The following WDPCP variants were observed in gnomAD, a reference collection of about 807,000 sequenced individuals.
The protein encoded by WDPCP is WD repeat-containing and planar cell polarity effector protein fritz homolog.
A neutral mutation model predicts 93.1 loss-of-function variants in WDPCP; 71 were observed. The observed-to-expected ratio is 0.76, with a 90% confidence interval of 0.63 to 0.93. WDPCP has a LOEUF of 0.93. WDPCP is among the 40% of genes least tolerant of loss of function. WDPCP has a pLI of 0.00. For synonymous variants in WDPCP, 315 were observed against 315.0 expected, an observed-to-expected ratio of 1.00 and a Z score of 0.00; for missense variants, 844 against 887.4, an observed-to-expected ratio of 0.95 and a Z score of 0.62.
At chr2:63,219,421 C>T (rs1677629912) in intron 14 of WDPCP, among the ~76,000 whole-genome samples, 1 of 152,058 alleles carries the variant, frequency 6.6e-6, no homozygotes, top group South Asian at 2.1e-4. Flanking sequence ...AGTTTTGTGC[C>T]CAAAGGCTTT....
intron 14 of WDPCP, among the ~76,000 whole-genome samples, chr2:63,232,083 G>A (rs1424575681): frequency 6.6e-6 from 1 of 152,154 alleles, no homozygotes; most frequent in Non-Finnish European, 1.5e-5. Flanking sequence ...AATGGGGAAA[G>A]GATTCCCTAT....
At chr2:63,625,989 T>C (rs1280737333) in intron 3 of WDPCP, among the ~76,000 whole-genome samples, 4 of 152,014 alleles carry the variant, frequency 2.6e-5, no homozygotes, top group Non-Finnish European at 5.9e-5. Context: ...CTAAAACAGA[T>C]ATATAGACCT....
chr2:63,187,534 G>T (rs1331430913), intron 14 of WDPCP, among the ~76,000 whole-genome samples: 4 of 152,092 alleles, frequency 2.6e-5, no homozygotes, highest in African/African-American at 9.7e-5. Context: ...ATTGCAGAAA[G>T]TATCTTAAAG....
rs554259914 is a variant in WDPCP, at chr2:63,394,286, G to A, written c.1435+9762C>T. 3.9e-5 allele frequency among the ~76,000 whole-genome samples: 6 copies of A among 152,100 alleles called. No homozygotes were observed. In the East Asian group the frequency reaches 1.2e-3, roughly 29 times the overall value. On this transcript the variant is annotated intron_variant, in intron 10 of 17. Coordinates refer to ENST00000272321, the MANE Select transcript of WDPCP (RefSeq NM_015910.7). ...GCAGCCTACAACCATATGAAAAAAT[G>A]CTCAACATCACTAATTATCAGAGAA...
At chr2:63,731,852 G>A (rs1050381920) in intron 2 of WDPCP, among the ~76,000 whole-genome samples, 7 of 152,164 alleles carry the variant, frequency 4.6e-5, no homozygotes, top group Non-Finnish European at 1.0e-4. Flanking sequence ...ATAGAGAAAG[G>A]ATAAGATACC....
chr2:63,432,678 T>C (rs1696851864), intron 9 of WDPCP, among the ~76,000 whole-genome samples: 1 of 152,126 alleles, frequency 6.6e-6, no homozygotes, highest in African/African-American at 2.4e-5. Context: ...GTGCTGAGGC[T>C]GAGTTTGGTT....
At chr2:63,617,246 T>C (rs1436432224) in intron 3 of WDPCP, among the ~76,000 whole-genome samples, 1 of 152,218 alleles carries the variant, frequency 6.6e-6, no homozygotes, top group African/African-American at 2.4e-5. Flanking sequence ...AGCTATGAAA[T>C]TGAAAATAAG....
intron 13 of WDPCP, among the ~76,000 whole-genome samples, chr2:63,296,797 C>CA (rs143853624): frequency 4.5e-4 from 69 of 151,722 alleles, no homozygotes; most frequent in African/African-American, 1.4e-3. Flanking sequence ...ACAGATGATA[C>CA]AAAAAAAATG....
intron 15 of WDPCP, among the ~76,000 whole-genome samples, chr2:63,172,680 A>C (rs1302129792): frequency 6.6e-6 from 1 of 152,182 alleles, no homozygotes; most frequent in Middle Eastern, 3.2e-3. Flanking sequence ...GAAGACAGAG[A>C]ATGTCCAAAC....
At chr2:63,595,092 C>A (rs1709279997) in intron 3 of WDPCP, 1 of 369,824 alleles carries the variant, frequency 2.7e-6, no homozygotes. Context: ...CTGTACTTAG[C>A]TTTCCATGAA....
chr2:63,715,150 G>C (rs776576613), intron 2 of WDPCP, among the ~76,000 whole-genome samples: 8 of 152,212 alleles, frequency 5.3e-5, no homozygotes, highest in Non-Finnish European at 1.2e-4. Context: ...GGGCCTTGTG[G>C]TAAGTGGGTA....
chr2:63,822,703 T>C (rs1458129888), intron 1 of WDPCP, among the ~76,000 whole-genome samples: 3 of 151,820 alleles, frequency 2.0e-5, no homozygotes, highest in African/African-American at 7.3e-5. Flanking sequence ...CTGGGCAACA[T>C]AGCAAGACCC....
At chr2:63,539,134 A>C (rs78387471) in intron 1 of WDPCP, among the ~76,000 whole-genome samples, 3,077 of 152,310 alleles carry the variant, frequency 0.02, 121 homozygotes, top group African/African-American at 0.07. Flanking sequence ...TATTTGATGA[A>C]AAGTGAAACT....
chr2:63,518,187 C>T (rs542413834), intron 1 of WDPCP: 1 of 152,280 alleles, frequency 6.6e-6, no homozygotes, highest in African/African-American at 2.4e-5. Context: ...CACGCCTGGC[C>T]TAGTTTCATA....
intron 6 of WDPCP, among the ~76,000 whole-genome samples, chr2:63,462,739 G>T (rs1699102615): frequency 6.6e-6 from 1 of 152,072 alleles, no homozygotes; most frequent in Non-Finnish European, 1.5e-5. Flanking sequence ...GATATGGGGG[G>T]AAAGAAGGAG....
chr2:63,548,341 G>T (rs1217340638), intron 1 of WDPCP, among the ~76,000 whole-genome samples: 3 of 151,824 alleles, frequency 2.0e-5, no homozygotes, highest in African/African-American at 4.8e-5. Flanking sequence ...AATGACAGAG[G>T]TTCAACTCAC....
intron 2 of WDPCP, among the ~76,000 whole-genome samples, chr2:63,713,162 C>T (rs1481421847): frequency 6.6e-6 from 1 of 152,180 alleles, no homozygotes; most frequent in African/African-American, 2.4e-5. Context: ...AACAAAACCT[C>T]CAAGAAAGAG....
chr2:63,795,359 G>C (rs1183040538), intron 2 of WDPCP, among the ~76,000 whole-genome samples: 2 of 151,926 alleles, frequency 1.3e-5, no homozygotes, highest in Non-Finnish European at 2.9e-5. Flanking sequence ...TAGTATTAGG[G>C]AAAATGGTAA....
chr2:63,459,056 C>A (rs1358097377), intron 6 of WDPCP, among the ~76,000 whole-genome samples: 1 of 152,074 alleles, frequency 6.6e-6, no homozygotes, highest in Non-Finnish European at 1.5e-5. Context: ...CTATCTCTCA[C>A]AATATACAGA....
Sources: allele counts gnomAD v4.1 joint callset (sites outside exome capture counted in the v4.1 genomes callset), GRCh38; gene constraint gnomAD v4.1.1; transcripts MANE v1.5; gene names NCBI Gene and HGNC (gene_info 2026-07-23, HGNC 2026-07-21).